Variants in LAMA2 observed in about 807,000 individuals in gnomAD.
LAMA2 encodes laminin subunit alpha 2, also known as laminin subunit alpha-2.
Under a neutral mutation model 364.8 loss-of-function variants are expected in LAMA2, and 269 were observed. The ratio of observed to expected loss-of-function variants is 0.74; its 90% CI spans 0.67 to 0.82. The LOEUF (loss-of-function observed/expected upper bound fraction) is 0.82. Among genes scored for constraint, LAMA2 ranks in the 40% least tolerant of loss-of-function variants. The probability of loss-of-function intolerance (pLI) is 0.00; values close to 1 mark genes in which losing one functional copy is unlikely to be tolerated. For synonymous variants in LAMA2, 1,379 were observed against 1,370.6 expected (o/e 1.01, Z -0.14); for missense variants, 3,807 against 3,873.2 (o/e 0.98, Z 0.45).
At chr6:129,324,815 C>T (rs893277507) in intron 28 of LAMA2, among the ~76,000 whole-genome samples, 3 of 152,204 alleles carry the variant, frequency 2.0e-5, no homozygotes, top group African/African-American at 7.2e-5. Context: ...GGACCACTGT[C>T]GTACACATGG....
At chr6:129,324,159 A>G (rs907355171) in intron 28 of LAMA2, among the ~76,000 whole-genome samples, 3 of 152,244 alleles carry the variant, frequency 2.0e-5, no homozygotes, top group African/African-American at 7.2e-5. Flanking sequence ...TTTGTTTACA[A>G]ATATAACCTA....
intron 1 of LAMA2, among the ~76,000 whole-genome samples, chr6:128,902,850 G>A (rs1023431806): frequency 6.6e-6 from 1 of 152,202 alleles, no homozygotes; most frequent in South Asian, 2.1e-4. Context: ...AAAGAAAATT[G>A]ATGGTTTCTC....
chr6:129,158,793 A>C, intron 8 of LAMA2: 1 of 1,614,188 alleles, frequency 6.2e-7, no homozygotes, highest in Non-Finnish European at 8.5e-7. Context: ...GAATCTTTGC[A>C]CTGAAAATCA....
At chr6:129,118,158 C>A (rs1776582960) in intron 4 of LAMA2, among the ~76,000 whole-genome samples, 1 of 152,148 alleles carries the variant, frequency 6.6e-6, no homozygotes, top group Non-Finnish European at 1.5e-5. Context: ...TAAAAATGTA[C>A]ACTGAAATAG....
intron 12 of LAMA2, among the ~76,000 whole-genome samples, chr6:129,217,551 C>T (rs187348497): frequency 9.9e-5 from 15 of 152,242 alleles, no homozygotes; most frequent in Admixed American, 9.8e-4. Flanking sequence ...ATAGTGCTTT[C>T]AATAGAGAAA....
At position 129,479,430 on chromosome 6, in the gene LAMA2, G is replaced by A. The variant is rs116320738; in HGVS notation, c.7572+617G>A. Among the ~76,000 whole-genome samples the A allele has an allele frequency of 4.1e-3, 628 of 152,106 alleles. 3 individuals are homozygous for A. The highest frequency in any genetic ancestry group is 0.014 in the African/African-American group (583 of 41,510). The stretch of plus-strand genomic sequence containing the variant: ...AGCATCCTAGCATTCCCCTATTTTC[G>A]TTTAACTATTTTGCACTGTTTCTTC... On this transcript the variant is annotated intron_variant, in intron 54 of 64. Coordinates refer to ENST00000421865, the MANE Select transcript of LAMA2 (RefSeq NM_000426.4).
At chr6:129,203,629 G>C (rs1236376521) in intron 12 of LAMA2, among the ~76,000 whole-genome samples, 3 of 152,216 alleles carry the variant, frequency 2.0e-5, no homozygotes, top group Non-Finnish European at 4.4e-5. Context: ...ATCTCACATA[G>C]CAAAATAATA....
chr6:129,056,583 A>G (rs1215274449), intron 2 of LAMA2, among the ~76,000 whole-genome samples: 4 of 152,160 alleles, frequency 2.6e-5, no homozygotes, highest in African/African-American at 9.7e-5. Flanking sequence ...GAATATCCAT[A>G]TCTGGAATAG....
intron 1 of LAMA2, among the ~76,000 whole-genome samples, chr6:128,947,805 T>TA (rs1780572903): frequency 6.6e-6 from 1 of 152,046 alleles, no homozygotes. Context: ...TGAGGACAGT[T>TA]ACAGTGTTAT....
At chr6:129,357,989 G>A (rs1777247153) in intron 32 of LAMA2, among the ~76,000 whole-genome samples, 1 of 152,020 alleles carries the variant, frequency 6.6e-6, no homozygotes, top group East Asian at 1.9e-4. Context: ...CCCCCTAAAT[G>A]TCATCCTCTC....
chr6:129,322,222 A>G (rs1775008324), intron 28 of LAMA2, among the ~76,000 whole-genome samples: 1 of 152,224 alleles, frequency 6.6e-6, no homozygotes, highest in Admixed American at 6.5e-5. Context: ...CAAGTAATCC[A>G]TCTCCTTATT....
rs140406179 is a variant in LAMA2 at position 129,278,264 on chromosome 6, A to T, written c.2451-1797A>T. Among the ~76,000 whole-genome samples, 990 of 152,350 alleles carry T rather than the reference A, an allele frequency of 6.5e-3. 7 individuals are homozygous for T. Among genetic ancestry groups the T allele is most frequent in the Non-Finnish European group, 0.01 (703 of 68,032 alleles). ...AGCCTTGTCAACCACCATTGACAAG[A>T]GTTATGATAAACTGATTTAGGATTA... On this transcript the variant is annotated intron_variant, in intron 17 of 64. Coordinates refer to ENST00000421865, the MANE Select transcript of LAMA2 (RefSeq NM_000426.4).
intron 34 of LAMA2, among the ~76,000 whole-genome samples, chr6:129,376,070 G>C (rs6907073): frequency 0.012 from 1,789 of 152,234 alleles, 32 homozygotes; most frequent in African/African-American, 0.041. Context: ...ATCCTATCAT[G>C]TCATTCTCTT....
intron 61 of LAMA2, among the ~76,000 whole-genome samples, chr6:129,507,262 A>G (rs1303279632): frequency 6.6e-6 from 1 of 152,124 alleles, no homozygotes; most frequent in African/African-American, 2.4e-5. Flanking sequence ...GAGAACAGTC[A>G]TATTCCAGGA....
chr6:128,985,580 T>G (rs986631137), intron 1 of LAMA2, among the ~76,000 whole-genome samples: 7 of 152,176 alleles, frequency 4.6e-5, no homozygotes, highest in African/African-American at 1.7e-4. Context: ...AAAATGTTTT[T>G]ATTATGAAAA....
At chr6:129,266,825 C>T (rs775589065) in intron 15 of LAMA2, among the ~76,000 whole-genome samples, 9 of 152,104 alleles carry the variant, frequency 5.9e-5, no homozygotes, top group Admixed American at 1.3e-4. Flanking sequence ...TGTCACATTT[C>T]AATTCTTTAT....
chr6:129,466,846 G>A (rs752400494), intron 51 of LAMA2, among the ~76,000 whole-genome samples: 2 of 151,876 alleles, frequency 1.3e-5, no homozygotes, highest in Non-Finnish European at 2.9e-5. Context: ...CTAAGTGAGT[G>A]AGTTTCAGCT....
intron 3 of LAMA2, among the ~76,000 whole-genome samples, chr6:129,061,611 T>C (rs957640868): frequency 6.6e-6 from 1 of 152,240 alleles, no homozygotes; most frequent in Admixed American, 6.5e-5. Flanking sequence ...TTACTTTGCA[T>C]ACTCACTCAT....
chr6:129,085,330 GA>G (rs1423813161), intron 3 of LAMA2, among the ~76,000 whole-genome samples: 2 of 152,200 alleles, frequency 1.3e-5, no homozygotes, highest in African/African-American at 2.4e-5. Flanking sequence ...TGGCATTACA[GA>G]AAGTCTCCAA....
Sources: gnomAD v4.1 joint callset for allele counts (sites outside exome capture counted in the v4.1 genomes callset) on GRCh38, gnomAD v4.1.1 for gene constraint, MANE v1.5 for transcripts, NCBI Gene and HGNC (gene_info 2026-07-23, HGNC 2026-07-21) for gene names.